The following HS3ST4 variants were observed in gnomAD, a reference collection of about 807,000 sequenced individuals.
HS3ST4 encodes the protein heparan sulfate-glucosamine 3-sulfotransferase 4, also known as heparan sulfate glucosamine 3-O-sulfotransferase 4.
HS3ST4 carries 17 observed loss-of-function variants against 29.2 expected under a neutral mutation model. That is an observed-to-expected ratio of 0.58 (90% confidence interval 0.40 to 0.87). The LOEUF (loss-of-function observed/expected upper bound fraction) is 0.87, where lower values mean the gene tolerates loss of function less well. Among genes scored for constraint, HS3ST4 ranks in the 40% least tolerant of loss-of-function variants. The pLI, the probability that HS3ST4 is intolerant of heterozygous loss-of-function variation, is 0.00. For missense variants in HS3ST4, 627 were observed against 634.5 expected (o/e 0.99, Z 0.13); for synonymous variants, 314 against 285.7 (o/e 1.10, Z -1.00).
chr16:25,975,561 A>T (rs1310353699), intron 1 of HS3ST4, among the ~76,000 whole-genome samples: 1 of 152,202 alleles, frequency 6.6e-6, no homozygotes, highest in African/African-American at 2.4e-5. Flanking sequence ...GAAAGGTTGA[A>T]ATTAAAAAAA....
chr16:25,795,250 C>T (rs563559550), intron 1 of HS3ST4, among the ~76,000 whole-genome samples: 181 of 152,150 alleles, frequency 1.2e-3, no homozygotes, highest in Admixed American at 2.1e-3. Flanking sequence ...GGATTACAGG[C>T]GTGAGCCACC....
chr16:26,073,382 C>CT (rs369341610), intron 1 of HS3ST4, among the ~76,000 whole-genome samples: 1 of 150,818 alleles, frequency 6.6e-6, no homozygotes, highest in African/African-American at 2.5e-5. Context: ...CTTTTCTTTT[C>CT]TTTTTTTTCT....
Position 26,043,479 on chromosome 16 carries a change from G to A in HS3ST4, c.735-92133G>A, listed in dbSNP as rs533303467. Among the ~76,000 whole-genome samples, 7 of 152,280 alleles carry A rather than the reference G, an allele frequency of 4.6e-5. No individual in the cohort carries two copies. In the East Asian group the frequency reaches 1.4e-3, roughly 29 times the overall value. On this transcript the variant is annotated intron_variant, in intron 1 of 1. Coordinates refer to ENST00000331351, the MANE Select transcript of HS3ST4 (RefSeq NM_006040.3). ...CTAGCTGCTGTGTGATCTGGGGCAA[G>A]TTGCTTTACCTCTCTGAGGCTCAGT... is the stretch of plus-strand genomic sequence containing the variant.
chr16:26,127,998 TCTC>T (rs1306260843), intron 1 of HS3ST4, among the ~76,000 whole-genome samples: 1 of 152,144 alleles, frequency 6.6e-6, no homozygotes, highest in Non-Finnish European at 1.5e-5. Flanking sequence ...TCTTTCCCCT[TCTC>T]CTCCCATTCT....
chr16:25,822,755 T>A (rs1967173491), intron 1 of HS3ST4, among the ~76,000 whole-genome samples: 1 of 152,038 alleles, frequency 6.6e-6, no homozygotes, highest in African/African-American at 2.4e-5. Context: ...TTTGTTCTTT[T>A]GAGACAGGGT....
intron 1 of HS3ST4, among the ~76,000 whole-genome samples, chr16:25,718,771 G>C (rs1287553305): frequency 6.6e-6 from 1 of 152,116 alleles, no homozygotes; most frequent in East Asian, 1.9e-4. Context: ...TCAGAAGAGA[G>C]GACAGGGATA....
chr16:25,815,618 C>T lies in HS3ST4; in HGVS notation c.734+122467C>T, dbSNP rs188146076. Among the ~76,000 whole-genome samples the T allele has an allele frequency of 7.9e-4, 120 of 152,306 alleles. 1 individual carries two copies. The highest frequency in any genetic ancestry group is 3.4e-4 in the Non-Finnish European group (23 of 68,032). On this transcript the variant is annotated intron_variant, in intron 1 of 1. Transcript: ENST00000331351. The stretch of plus-strand genomic sequence containing the variant: ...GATTCCAGGCATGAGCTACTGTGCC[C>T]GGCCATAAGTATTATATTTTTAAAA...
At chr16:25,781,291 G>C (rs1474759482) in intron 1 of HS3ST4, among the ~76,000 whole-genome samples, 1 of 152,182 alleles carries the variant, frequency 6.6e-6, no homozygotes, top group Admixed American at 6.5e-5. Flanking sequence ...GCTCATGACT[G>C]CTGATGGGTT....
At chr16:25,990,058 T>G (rs1969101015) in intron 1 of HS3ST4, among the ~76,000 whole-genome samples, 1 of 152,228 alleles carries the variant, frequency 6.6e-6, no homozygotes, top group South Asian at 2.1e-4. Flanking sequence ...TGGCATCTTT[T>G]ACTTGGTTAT....
chr16:25,971,260 A>G (rs1208229190), intron 1 of HS3ST4, among the ~76,000 whole-genome samples: 1 of 152,218 alleles, frequency 6.6e-6, no homozygotes, highest in African/African-American at 2.4e-5. Context: ...TGAGCCATAA[A>G]GAAAACAGTC....
intron 1 of HS3ST4, among the ~76,000 whole-genome samples, chr16:26,055,848 G>A (rs1057271497): frequency 2.0e-5 from 3 of 152,096 alleles, no homozygotes; most frequent in African/African-American, 7.2e-5. Context: ...ACCGTCTGAT[G>A]GATTTGATTC....
intron 1 of HS3ST4, among the ~76,000 whole-genome samples, chr16:25,702,801 C>A (rs1966342890): frequency 6.6e-6 from 1 of 152,094 alleles, no homozygotes; most frequent in African/African-American, 2.4e-5. Context: ...CTGCCTTACA[C>A]CCCCAATTCA....
intron 1 of HS3ST4, among the ~76,000 whole-genome samples, chr16:25,989,648 T>C (rs1348126569): frequency 6.6e-6 from 1 of 152,244 alleles, no homozygotes; most frequent in Non-Finnish European, 1.5e-5. Flanking sequence ...AGGTCCCGTA[T>C]GAGGCCTAAC....
At chr16:25,916,553 G>C (rs1362661946) in intron 1 of HS3ST4, among the ~76,000 whole-genome samples, 1 of 151,724 alleles carries the variant, frequency 6.6e-6, no homozygotes, top group African/African-American at 2.4e-5. Flanking sequence ...GTGGAGACAA[G>C]GTTTCTCCAT....
chr16:26,072,883 C>T lies in HS3ST4; in HGVS notation c.735-62729C>T, dbSNP rs575607201. Among the ~76,000 whole-genome samples the T allele has an allele frequency of 9.9e-5, 15 of 152,202 alleles. No individual in the cohort carries two copies. The South Asian group carries it at 1.2e-3, about 13-fold the overall frequency. On this transcript the variant is annotated intron_variant, in intron 1 of 1. Transcript: ENST00000331351. ...AGATCATTGAGTTTGGTGATTCTGA[C>T]GACTTGTTCATGTTGAGCCAAAAGT...
At chr16:25,745,904 G>A (rs1410565704) in intron 1 of HS3ST4, among the ~76,000 whole-genome samples, 2 of 152,190 alleles carry the variant, frequency 1.3e-5, no homozygotes, top group Non-Finnish European at 2.9e-5. Context: ...TCGTGGGGCA[G>A]TTTGTCAGAT....
At chr16:25,951,147 G>A (rs185824842) in intron 1 of HS3ST4, among the ~76,000 whole-genome samples, 1 of 152,320 alleles carries the variant, frequency 6.6e-6, no homozygotes, top group African/African-American at 2.4e-5. Flanking sequence ...GGGTGGAACT[G>A]GAAGCTGAGA....
intron 1 of HS3ST4, among the ~76,000 whole-genome samples, chr16:25,828,232 TTCTTTCTTTC>T (rs1390607231): frequency 3.6e-5 from 3 of 83,358 alleles, no homozygotes; most frequent in Admixed American, 1.0e-4. Context: ...CTTTCTTTCT[TTCTTTCTTTC>T]TCTTTCTTTC....
intron 1 of HS3ST4, among the ~76,000 whole-genome samples, chr16:25,911,384 AGAG>A (rs748390699): frequency 1.3e-5 from 2 of 151,838 alleles, no homozygotes; most frequent in Non-Finnish European, 2.9e-5. Context: ...TTTTCAGCAT[AGAG>A]GCCAAGCCAG....
Sources: gnomAD v4.1 joint callset for allele counts (sites outside exome capture counted in the v4.1 genomes callset) on GRCh38, gnomAD v4.1.1 for gene constraint, MANE v1.5 for transcripts, NCBI Gene and HGNC (gene_info 2026-07-23, HGNC 2026-07-21) for gene names.